Variants in MALRD1 observed in about 807,000 individuals in gnomAD.
MALRD1 encodes MAM and LDL receptor class A domain containing 1.
Under a neutral mutation model 242.1 loss-of-function variants are expected in MALRD1, and 247 were observed. That is an observed-to-expected ratio of 1.02 (90% CI 0.92 to 1.13). The LOEUF (loss-of-function observed/expected upper bound fraction) is 1.13, where lower values mean the gene tolerates loss of function less well. MALRD1 is among the 50% of genes most tolerant of loss of function. MALRD1 has a pLI of 0.00. For missense variants in MALRD1, 2,989 were observed against 2,533.1 expected, an observed-to-expected ratio of 1.18 and a Z score of -3.86; for synonymous variants, 995 against 866.6, an observed-to-expected ratio of 1.15 and a Z score of -2.60.
intron 26 of MALRD1, among the ~76,000 whole-genome samples, chr10:19,374,340 T>G (rs1181566050): frequency 6.6e-6 from 1 of 152,222 alleles, no homozygotes; most frequent in Non-Finnish European, 1.5e-5. Flanking sequence ...ATAGCCTGTT[T>G]CAGATAAATT....
chr10:19,712,252 A>G (rs1342062794), intron 38 of MALRD1, among the ~76,000 whole-genome samples: 5 of 152,226 alleles, frequency 3.3e-5, no homozygotes, highest in Non-Finnish European at 7.3e-5. Flanking sequence ...ATAGAGAAAG[A>G]TCACTTTTAA....
At chr10:19,303,550 T>G (rs1199595070) in intron 21 of MALRD1, among the ~76,000 whole-genome samples, 1 of 151,760 alleles carries the variant, frequency 6.6e-6, no homozygotes, top group African/African-American at 2.4e-5. Context: ...TCTCTTGTAC[T>G]CTATACTGGT....
intron 33 of MALRD1, among the ~76,000 whole-genome samples, chr10:19,584,353 T>G (rs1169087416): frequency 1.3e-5 from 2 of 152,210 alleles, no homozygotes; most frequent in Non-Finnish European, 2.9e-5. Context: ...CTTTCTCTTG[T>G]GGGCATTTAG....
intron 18 of MALRD1, among the ~76,000 whole-genome samples, chr10:19,210,248 T>A (rs571327182): frequency 6.6e-6 from 1 of 152,270 alleles, no homozygotes; most frequent in Non-Finnish European, 1.5e-5. Flanking sequence ...CTGTTAACAG[T>A]TTTGTAAAGG....
intron 9 of MALRD1, among the ~76,000 whole-genome samples, chr10:19,135,165 G>C (rs1202284030): frequency 6.6e-6 from 1 of 152,040 alleles, no homozygotes; most frequent in Non-Finnish European, 1.5e-5. Context: ...CTCGTATTTT[G>C]TTTGTTTGAA....
At chr10:19,490,488 A>C (rs1311386776) in intron 29 of MALRD1, among the ~76,000 whole-genome samples, 1 of 94,552 alleles carries the variant, frequency 1.1e-5, no homozygotes. Context: ...TGATGTAAAC[A>C]GAAGAAGCCA....
chr10:19,194,521 T>C (rs1836144706), intron 14 of MALRD1, among the ~76,000 whole-genome samples: 1 of 152,150 alleles, frequency 6.6e-6, no homozygotes, highest in Non-Finnish European at 1.5e-5. Flanking sequence ...GTCAGTCTAT[T>C]ACCATACACG....
At chr10:19,709,273 A>G (rs2131867295) in intron 38 of MALRD1, among the ~76,000 whole-genome samples, 1 of 147,894 alleles carries the variant, frequency 6.8e-6, no homozygotes, top group South Asian at 2.1e-4. Flanking sequence ...AAAAAATACA[A>G]AAATTAGCCA....
intron 28 of MALRD1, among the ~76,000 whole-genome samples, chr10:19,445,248 C>T (rs868668401): frequency 2.0e-5 from 3 of 152,136 alleles, no homozygotes; most frequent in South Asian, 4.1e-4. Flanking sequence ...GCAATGCGTT[C>T]GAACATCCTC....
chr10:19,148,788 A>AAAAATATAT (rs1206724666), intron 11 of MALRD1, among the ~76,000 whole-genome samples: 9 of 88,042 alleles, frequency 1.0e-4, no homozygotes, highest in African/African-American at 1.6e-4. Flanking sequence ...AAAAAAAAAA[A>AAAAATATAT]ATATATATAT....
At chr10:19,709,935 G>A (rs1014804165) in intron 38 of MALRD1, among the ~76,000 whole-genome samples, 3 of 152,120 alleles carry the variant, frequency 2.0e-5, no homozygotes, top group Non-Finnish European at 4.4e-5. Context: ...TGTGCGTCTT[G>A]CATCTTCCCT....
At chr10:19,289,516 A>T (rs962757142) in intron 21 of MALRD1, among the ~76,000 whole-genome samples, 2 of 152,188 alleles carry the variant, frequency 1.3e-5, no homozygotes, top group African/African-American at 4.8e-5. Flanking sequence ...TATTTAACAT[A>T]TGTGCTCTAC....
In MALRD1 at chr10:19,595,270, C is replaced by A; in HGVS notation, c.5757C>A (p.Leu1919=). The A allele has an allele frequency of 6.4e-7, 1 of 1,550,676 alleles. No homozygotes were observed. The highest frequency in any genetic ancestry group is 8.7e-7 in the Non-Finnish European group (1 of 1,146,978). ...SCIYTLQCVP[L]SGKCDGHEDC... The stretch of plus-strand genomic sequence containing the variant: ...TCTACACACTCCAATGTGTCCCTCT[C>A]TCAGGGAAATGTGATGGACATGAAG... The change falls in exon 34 of 40, where the codon CTC becomes CTA. Residue 1919 remains leucine (L), a synonymous_variant. Coordinates refer to ENST00000454679, the MANE Select transcript of MALRD1 (RefSeq NM_001142308.3).
intron 7 of MALRD1, among the ~76,000 whole-genome samples, chr10:19,127,265 G>C (rs968835748): frequency 1.3e-5 from 2 of 152,144 alleles, no homozygotes; most frequent in Non-Finnish European, 2.9e-5. Flanking sequence ...TTTTCAAACT[G>C]CTTTTTGCCT....
intron 11 of MALRD1, among the ~76,000 whole-genome samples, chr10:19,149,123 T>TCTATCTATCTATCTAA (rs1554798087): frequency 6.7e-6 from 1 of 149,974 alleles, no homozygotes; most frequent in South Asian, 2.1e-4. Context: ...TATCTATCTA[T>TCTATCTATCTATCTAA]CTAACTAGCT....
At chr10:19,076,437 A>G (rs1835320622) in intron 2 of MALRD1, among the ~76,000 whole-genome samples, 1 of 151,978 alleles carries the variant, frequency 6.6e-6, no homozygotes, top group South Asian at 2.1e-4. Context: ...GTAAGAGTTT[A>G]TATCTTATAC....
intron 18 of MALRD1, among the ~76,000 whole-genome samples, chr10:19,234,113 A>C (rs924024119): frequency 6.6e-6 from 1 of 152,032 alleles, no homozygotes; most frequent in Non-Finnish European, 1.5e-5. Flanking sequence ...TAAAATTTAA[A>C]TTAAATTAGG....
intron 18 of MALRD1, among the ~76,000 whole-genome samples, chr10:19,234,789 C>A (rs1838233199): frequency 1.3e-5 from 2 of 152,028 alleles, no homozygotes; most frequent in Admixed American, 6.6e-5. Flanking sequence ...TTAAAGAGAA[C>A]AAAGTGAGAC....
intron 36 of MALRD1, among the ~76,000 whole-genome samples, chr10:19,634,683 T>G (rs1333790187): frequency 6.6e-6 from 1 of 152,154 alleles, no homozygotes; most frequent in Non-Finnish European, 1.5e-5. Flanking sequence ...AATACTCATC[T>G]GGAAAGCAAG....
Sources: gnomAD v4.1 joint callset for allele counts (sites outside exome capture counted in the v4.1 genomes callset) on GRCh38, gnomAD v4.1.1 for gene constraint, MANE v1.5 for transcripts, NCBI Gene and HGNC (gene_info 2026-07-23, HGNC 2026-07-21) for gene names.